The following LRRC49 variants were observed in gnomAD, a reference collection of about 807,000 sequenced individuals.
LRRC49 encodes the protein leucine rich repeat containing 49, also known as leucine-rich repeat-containing protein 49.
Under a neutral mutation model 83.3 loss-of-function variants are expected in LRRC49, and 50 were observed. The observed-to-expected ratio is 0.60, with a 90% CI of 0.48 to 0.76. The LOEUF is 0.76. Ranked by LOEUF, LRRC49 falls within the 30% of genes least tolerant of loss-of-function variation. The probability of loss-of-function intolerance (pLI) is 0.00; values close to 1 mark genes in which losing one functional copy is unlikely to be tolerated. For synonymous variants in LRRC49, 286 were observed against 283.3 expected (o/e 1.01, Z -0.10); for missense variants, 704 against 809.1 (o/e 0.87, Z 1.58).
chr15:70,973,650 G>A (rs1282428176), intron 9 of LRRC49, among the ~76,000 whole-genome samples: 1 of 152,150 alleles, frequency 6.6e-6, no homozygotes, highest in Non-Finnish European at 1.5e-5. Context: ...TCTGAGTGGG[G>A]CTGCTGCCTT....
chr15:70,886,908 T>A lies in LRRC49; in HGVS notation c.19-6676T>A, dbSNP rs146736136. On this transcript the variant is annotated intron_variant, in intron 2 of 16. Coordinates refer to the LRRC49 transcript ENST00000544974. ...TCGATAAACCATCTGGTGAAGCTGATCAAGAAAAAATGAAAAAGCAAAAAT... is the reference window on the plus strand; with the variant it reads ...TCGATAAACCATCTGGTGAAGCTGAACAAGAAAAAATGAAAAAGCAAAAAT... Among the ~76,000 whole-genome samples, 216 of 151,618 alleles carry A rather than the reference T, an allele frequency of 1.4e-3. 3 individuals are homozygous for A. In the East Asian group the frequency reaches 0.039, roughly 27 times the overall value.
intron 11 of LRRC49, among the ~76,000 whole-genome samples, chr15:70,992,965 C>T (rs551029448): frequency 1.2e-3 from 188 of 152,304 alleles, no homozygotes; most frequent in Non-Finnish European, 2.3e-3. Context: ...TTCAGCTATG[C>T]CCTGCCTGCA....
intron 11 of LRRC49, among the ~76,000 whole-genome samples, chr15:70,996,892 T>C (rs913358228): frequency 6.6e-6 from 1 of 152,230 alleles, no homozygotes; most frequent in East Asian, 1.9e-4. Context: ...ATTTACCAGA[T>C]TTGTTCATTG....
chr15:70,901,135 A>T (rs867607553), intron 4 of LRRC49, 111 bp downstream of exon 4: 1 of 620,634 alleles, frequency 1.6e-6, no homozygotes, highest in Non-Finnish European at 2.8e-6. Context: ...CAGTTATTCA[A>T]TTCTCCTATT....
Position 71,009,925 on chromosome 15 carries a change from C to T in LRRC49, c.1526C>T (p.Thr509Ile), listed in dbSNP as rs1045764779. The T allele has an allele frequency of 2.0e-5, 33 of 1,612,010 alleles. 1 individual carries two copies. Among genetic ancestry groups the T allele is most frequent in the Non-Finnish European group, 2.6e-5 (31 of 1,178,524 alleles). Reference sequence around the variant, plus strand: ...CAAGGAAATCCAGTTGTCAATTTTACACTCTGGAAATACTATGTACTGTTT... The same window carrying T: ...CAAGGAAATCCAGTTGTCAATTTTATACTCTGGAAATACTATGTACTGTTT... The part of the protein sequence containing the change: ...DPQGNPVVNF[T>I]LWKYYVLFRL... Residue 509 changes from threonine to isoleucine, a missense_variant, in exon 13 of 16, where the codon ACA (threonine) becomes ATA (isoleucine). Physicochemically the swap from Thr to Ile is moderately conservative, Grantham distance 89 (BLOSUM62 -1). This residue lies in a region of LRRC49 where 275 missense variants were observed against 338.0 expected (regional missense o/e 0.81). Transcript: ENST00000260382.
At chr15:70,942,473 A>G (rs2035856147) in intron 8 of LRRC49, among the ~76,000 whole-genome samples, 1 of 152,248 alleles carries the variant, frequency 6.6e-6, no homozygotes, top group African/African-American at 2.4e-5. Flanking sequence ...GTATAAGTAT[A>G]TTAAATTCAA....
chr15:70,864,369 A>G (rs1186877695), intron 1 of LRRC49, among the ~76,000 whole-genome samples: 3 of 151,862 alleles, frequency 2.0e-5, no homozygotes, highest in Non-Finnish European at 4.4e-5. Flanking sequence ...GCCCTGAGGC[A>G]TGGGCACCAG....
At chr15:71,037,141 T>G (rs751337704) in intron 14 of LRRC49, 38 bp from the exon 15 acceptor site, 1 of 1,460,858 alleles carries the variant, frequency 6.8e-7, no homozygotes, top group South Asian at 1.2e-5. Context: ...GTAAGTCTGA[T>G]AAGTAACTCT....
At chr15:70,894,888 G>T (rs2033765193) in intron 2 of LRRC49, 1 of 189,982 alleles carries the variant, frequency 5.3e-6, no homozygotes, top group South Asian at 9.5e-5. Flanking sequence ...CAAATAAACA[G>T]CAGTTAGATT....
chr15:71,010,259 A>C (rs970160735), intron 13 of LRRC49, among the ~76,000 whole-genome samples: 3 of 152,042 alleles, frequency 2.0e-5, no homozygotes, highest in African/African-American at 7.2e-5. Context: ...AGTGAAATAA[A>C]ATGGTGGGGT....
chr15:70,911,085 T>G (rs1315680360), intron 5 of LRRC49, among the ~76,000 whole-genome samples: 1 of 152,092 alleles, frequency 6.6e-6, no homozygotes, highest in Non-Finnish European at 1.5e-5. Flanking sequence ...ATAAATACCC[T>G]AAGGTGGAAA....
intron 7 of LRRC49, among the ~76,000 whole-genome samples, chr15:70,927,536 CT>C (rs1480091699): frequency 6.6e-6 from 1 of 152,182 alleles, no homozygotes; most frequent in African/African-American, 2.4e-5. Flanking sequence ...TGTGTTCTGT[CT>C]GAGAAATCTT....
rs952144428 is a variant in LRRC49 at position 70,872,602 on chromosome 15, T to C, written c.-298-306T>C. 3.3e-5 allele frequency among the ~76,000 whole-genome samples: 5 copies of C among 152,136 alleles called. No homozygotes were observed. The South Asian group carries it at 6.2e-4, about 19-fold the overall frequency. ...TAGAAGCTTGAGATGATGTCAAAGA[T>C]AAAGTTGTGATACGCTTTAGGGTTT... On this transcript the variant is annotated intron_variant, in intron 1 of 16. Coordinates refer to the LRRC49 transcript ENST00000544974.
intron 9 of LRRC49, among the ~76,000 whole-genome samples, chr15:70,974,596 A>G (rs1224308973): frequency 6.6e-6 from 1 of 152,220 alleles, no homozygotes; most frequent in Non-Finnish European, 1.5e-5. Flanking sequence ...ATGAGAATCC[A>G]AAAGTATCTC....
At chr15:70,979,533 C>T (rs1410039928) in intron 9 of LRRC49, among the ~76,000 whole-genome samples, 1 of 151,706 alleles carries the variant, frequency 6.6e-6, no homozygotes, top group Non-Finnish European at 1.5e-5. Flanking sequence ...TTATTAACTA[C>T]GGTCATCATG....
At chr15:71,038,278 G>A (rs1327009502) in intron 15 of LRRC49, among the ~76,000 whole-genome samples, 4 of 152,164 alleles carry the variant, frequency 2.6e-5, no homozygotes, top group Non-Finnish European at 5.9e-5. Context: ...GCAGGGCGAA[G>A]TGTGTATACT....
At position 71,037,226 on chromosome 15, in the gene LRRC49, G is replaced by T; in HGVS notation, c.1751G>T (p.Gly584Val). 6.2e-7 allele frequency: 1 copy of T among 1,610,792 alleles called. No individual in the cohort carries two copies. Among genetic ancestry groups the T allele is most frequent in the Non-Finnish European group, 8.5e-7 (1 of 1,178,138 alleles). The change falls in exon 15 of 16, where the codon GGT becomes GTT. Residue 584 changes from glycine (G) to valine (V), a missense_variant. Coordinates refer to ENST00000260382, the MANE Select transcript of LRRC49 (RefSeq NM_017691.5). ...CTAGAATCCAAAGGAAAAAAACCTG[G>T]TATTATCAACGAAGAAAATAATGAC... Reference protein sequence around the residue: ...YLLESKGKKPGIINEENNDSK... With the variant: ...YLLESKGKKPVIINEENNDSK...
chr15:70,931,080 A>G (rs2035388437), intron 7 of LRRC49, among the ~76,000 whole-genome samples: 7 of 152,184 alleles, frequency 4.6e-5, no homozygotes, highest in Admixed American at 4.6e-4. Context: ...CCTGGTTTTC[A>G]GCCTATCTCA....
At chr15:70,936,604 A>G in intron 7 of LRRC49, 157 bp from the exon 8 acceptor site, 2 of 578,302 alleles carry the variant, frequency 3.5e-6, no homozygotes, top group South Asian at 4.7e-5. Flanking sequence ...TTTAATCTGC[A>G]GTGGAGGAGA....
Sources: gnomAD v4.1 joint callset for allele counts (sites outside exome capture counted in the v4.1 genomes callset) on GRCh38, gnomAD v4.1.1 for gene constraint, gnomAD v4.1.1 regional missense constraint, MANE v1.5 for transcripts, NCBI Gene and HGNC (gene_info 2026-07-23, HGNC 2026-07-21) for gene names.